The following MEOX2 variants were observed in gnomAD, a reference collection of about 807,000 sequenced individuals.
MEOX2 encodes the protein mesenchyme homeobox 2, also known as homeobox protein MOX-2.
In MEOX2, 11 loss-of-function variants were observed where a neutral mutation model predicts 27.0. The ratio of observed to expected loss-of-function variants is 0.41; its 90% CI spans 0.26 to 0.68. The LOEUF is 0.68. Among genes scored for constraint, MEOX2 ranks in the 30% least tolerant of loss-of-function variants. MEOX2 has a pLI of 0.33. For synonymous variants in MEOX2, 189 were observed against 155.4 expected, an observed-to-expected ratio of 1.22 and a Z score of -1.61; for missense variants, 436 against 385.4, an observed-to-expected ratio of 1.13 and a Z score of -1.10.
chr7:15,676,157 AG>A (rs1782188710), intron 1 of MEOX2: 1 of 152,184 alleles, frequency 6.6e-6, no homozygotes, highest in African/African-American at 2.4e-5. Context: ...TTGCAATTCC[AG>A]GGGTTTGTTG....
At chr7:15,673,419 A>G (rs1782136434) in intron 1 of MEOX2, among the ~76,000 whole-genome samples, 1 of 152,136 alleles carries the variant, frequency 6.6e-6, no homozygotes, top group African/African-American at 2.4e-5. Flanking sequence ...GGATAGAAAT[A>G]AAAAATAAAT....
At chr7:15,639,328 T>G (rs551099112) in intron 1 of MEOX2, among the ~76,000 whole-genome samples, 2 of 152,248 alleles carry the variant, frequency 1.3e-5, no homozygotes, top group Non-Finnish European at 2.9e-5. Flanking sequence ...TGGGGTTGTC[T>G]GTCATTTTCT....
chr7:15,658,228 C>A (rs1781854086), intron 1 of MEOX2, among the ~76,000 whole-genome samples: 2 of 152,288 alleles, frequency 1.3e-5, no homozygotes, highest in Admixed American at 6.5e-5. Context: ...ATTCAGGTTT[C>A]TCTGACTTCA....
At chr7:15,631,227 A>G (rs1477598913) in intron 1 of MEOX2, among the ~76,000 whole-genome samples, 1 of 150,648 alleles carries the variant, frequency 6.6e-6, no homozygotes, top group Non-Finnish European at 1.5e-5. Flanking sequence ...TTTTCTTCAA[A>G]ATGCAAAAAA....
intron 2 of MEOX2, among the ~76,000 whole-genome samples, chr7:15,614,100 T>C (rs1781081265): frequency 6.6e-6 from 1 of 151,788 alleles, no homozygotes; most frequent in Non-Finnish European, 1.5e-5. Flanking sequence ...TCTAAAAAAA[T>C]CTATTTTCTG....
Position 15,637,434 on chromosome 7 carries a change from T to C in MEOX2, c.518-10516A>G, listed in dbSNP as rs549785544. 3.9e-5 allele frequency among the ~76,000 whole-genome samples: 6 copies of C among 152,014 alleles called. No homozygotes were observed. In the East Asian group the frequency reaches 7.7e-4, roughly 20 times the overall value. On this transcript the variant is annotated intron_variant, in intron 1 of 2. Coordinates refer to ENST00000262041, the MANE Select transcript of MEOX2 (RefSeq NM_005924.5). ...GGTGGAGAGAAAGGGACTTGAAGCA[T>C]ACACATTTTTGTTTTACTGAACACG... is the stretch of plus-strand genomic sequence containing the variant.
intron 1 of MEOX2, among the ~76,000 whole-genome samples, chr7:15,683,586 T>G (rs1382149473): frequency 1.3e-5 from 2 of 152,096 alleles, no homozygotes; most frequent in African/African-American, 4.8e-5. Flanking sequence ...TGAAGATAAT[T>G]TATGGAACAC....
chr7:15,672,651 G>A (rs1325095324), intron 1 of MEOX2, among the ~76,000 whole-genome samples: 1 of 152,078 alleles, frequency 6.6e-6, no homozygotes, highest in Non-Finnish European at 1.5e-5. Flanking sequence ...CCAACACTTT[G>A]GGAGGCCAAG....
At chr7:15,671,612 T>G (rs551364704) in intron 1 of MEOX2, among the ~76,000 whole-genome samples, 2 of 152,330 alleles carry the variant, frequency 1.3e-5, no homozygotes, top group South Asian at 4.1e-4. Context: ...TACTTATCAG[T>G]GTCTCATAAC....
intron 1 of MEOX2, among the ~76,000 whole-genome samples, chr7:15,670,333 A>C (rs1039900611): frequency 6.6e-6 from 1 of 152,116 alleles, no homozygotes; most frequent in East Asian, 1.9e-4. Flanking sequence ...GTAAAATACT[A>C]CTCTTTACAT....
chr7:15,638,728 A>G (rs1014923058), intron 1 of MEOX2, among the ~76,000 whole-genome samples: 2 of 152,044 alleles, frequency 1.3e-5, no homozygotes, highest in Non-Finnish European at 2.9e-5. Flanking sequence ...AAGTGAGAAC[A>G]TGTGTATTTC....
intron 1 of MEOX2, among the ~76,000 whole-genome samples, chr7:15,655,355 T>C (rs34751158): frequency 0.01 from 1,556 of 151,720 alleles, 19 homozygotes; most frequent in South Asian, 0.041. Flanking sequence ...ATTTTCTTTA[T>C]TACTTTTATA....
chr7:15,668,264 C>T (rs1471090786), intron 1 of MEOX2: 1 of 152,162 alleles, frequency 6.6e-6, no homozygotes, highest in African/African-American at 2.4e-5. Context: ...AAACTGAAGC[C>T]CTTGATGATG....
At chr7:15,635,601 G>A (rs1195669697) in intron 1 of MEOX2, among the ~76,000 whole-genome samples, 1 of 151,942 alleles carries the variant, frequency 6.6e-6, no homozygotes, top group Non-Finnish European at 1.5e-5. Context: ...ATTAGGAGAG[G>A]ACTGTGGTCC....
chr7:15,685,853 G>T, intron 1 of MEOX2, 33 bp downstream of exon 1: 1 of 1,547,544 alleles, frequency 6.5e-7, no homozygotes, highest in Non-Finnish European at 8.7e-7. Context: ...CCAGCCCGGC[G>T]CGCACTCTCG....
intron 1 of MEOX2, among the ~76,000 whole-genome samples, chr7:15,659,614 G>C (rs1260709001): frequency 6.6e-6 from 1 of 152,002 alleles, no homozygotes; most frequent in African/African-American, 2.4e-5. Context: ...CAAAAAATTA[G>C]CTGGGCGTGG....
intron 1 of MEOX2, among the ~76,000 whole-genome samples, chr7:15,631,416 A>G (rs532108386): frequency 1.3e-5 from 2 of 152,042 alleles, no homozygotes; most frequent in South Asian, 4.1e-4. Context: ...ATTTTTTATT[A>G]TATTTATGTA....
Position 15,618,352 on chromosome 7 carries a change from T to G in MEOX2, c.691-5741A>C, listed in dbSNP as rs148778682. Among the ~76,000 whole-genome samples, 525 of 152,110 alleles carry G rather than the reference T, an allele frequency of 3.5e-3. 2 individuals are homozygous for G. The highest frequency in any genetic ancestry group is 0.012 in the African/African-American group (505 of 41,542). On this transcript the variant is annotated intron_variant, in intron 2 of 2. Transcript: ENST00000262041. ...AAATATCAAAACTAAATTAGGCACT[T>G]TTTTTCTTTATTGTGTTATAAAATT...
chr7:15,640,636 C>T (rs1202580530), intron 1 of MEOX2, among the ~76,000 whole-genome samples: 1 of 152,114 alleles, frequency 6.6e-6, no homozygotes, highest in African/African-American at 2.4e-5. Context: ...AAATTTTCCC[C>T]ATTCCGTATG....
Sources: gnomAD v4.1 joint callset for allele counts (sites outside exome capture counted in the v4.1 genomes callset) on GRCh38, gnomAD v4.1.1 for gene constraint, MANE v1.5 for transcripts, NCBI Gene and HGNC (gene_info 2026-07-23, HGNC 2026-07-21) for gene names.